The following ATP8A1 variants were observed in gnomAD, a reference collection of about 807,000 sequenced individuals.
The protein encoded by ATP8A1 is ATPase phospholipid transporting 8A1.
Under a neutral mutation model 177.7 loss-of-function variants are expected in ATP8A1, and 90 were observed. The observed-to-expected ratio is 0.51, with a 90% CI of 0.43 to 0.60. The LOEUF (loss-of-function observed/expected upper bound fraction) is 0.60, where lower values mean the gene tolerates loss of function less well. Ranked by LOEUF, ATP8A1 falls within the 20% of genes least tolerant of loss-of-function variation. The probability of loss-of-function intolerance (pLI) is 0.00; values close to 1 mark genes in which losing one functional copy is unlikely to be tolerated. For synonymous variants in ATP8A1, 493 were observed against 485.9 expected, an observed-to-expected ratio of 1.01 and a Z score of -0.19; for missense variants, 1,072 against 1,392.8, an observed-to-expected ratio of 0.77 and a Z score of 3.67.
At chr4:42,472,767 G>GAGAAAA (rs150976504) in intron 25 of ATP8A1, among the ~76,000 whole-genome samples, 22,665 of 144,940 alleles carry the variant, frequency 0.16, 2,050 homozygotes, top group South Asian at 0.23. Flanking sequence ...AAAAAAAAGA[G>GAGAAAA]AGAAAAAGAA....
At chr4:42,649,859 G>A (rs1291577656) in intron 1 of ATP8A1, among the ~76,000 whole-genome samples, 1 of 152,132 alleles carries the variant, frequency 6.6e-6, no homozygotes, top group Non-Finnish European at 1.5e-5. Context: ...TTTAACCAAT[G>A]CCTACTATGT....
chr4:42,599,667 G>A (rs1359640855), intron 6 of ATP8A1, among the ~76,000 whole-genome samples: 1 of 152,194 alleles, frequency 6.6e-6, no homozygotes, highest in Admixed American at 6.5e-5. Flanking sequence ...TAGCTGGGAA[G>A]TACTGGAGTG....
chr4:42,461,747 T>A (rs144736795), intron 27 of ATP8A1, among the ~76,000 whole-genome samples: 171 of 152,262 alleles, frequency 1.1e-3, no homozygotes, highest in African/African-American at 3.8e-3. Flanking sequence ...AGGCAGAGGT[T>A]GGAAGAGTTT....
intron 20 of ATP8A1, among the ~76,000 whole-genome samples, chr4:42,539,827 A>G (rs1728209045): frequency 6.6e-6 from 1 of 152,080 alleles, no homozygotes; most frequent in Non-Finnish European, 1.5e-5. Context: ...CAAACATAAG[A>G]CTCAAACTTT....
chr4:42,545,433 T>G (rs10461060), intron 19 of ATP8A1, among the ~76,000 whole-genome samples: 47,943 of 151,986 alleles, frequency 0.32, 8,906 homozygotes, highest in East Asian at 0.57. Flanking sequence ...AACTCTCTTT[T>G]GTGTTACATC....
In ATP8A1 at chr4:42,479,996, T is replaced by TGTGTGTGTG. The variant is rs1721493242; in HGVS notation, c.2324+5499_2324+5500insCACACACAC. Among the ~76,000 whole-genome samples, 35 of 135,658 alleles carry TGTGTGTGTG rather than the reference T, an allele frequency of 2.6e-4. 1 individual carries two copies. The East Asian group carries it at 3.9e-3, about 15-fold the overall frequency. The allele number at this position is 135,658 out of a possible 152,430, so 89.0% of individuals were successfully genotyped here. A position where few individuals can be genotyped will look rare whatever the true frequency, so the allele number is the denominator to read the frequency against. On this transcript the variant is annotated intron_variant, in intron 25 of 36. Transcript: ENST00000381668. ...AGAATTATGTAATCTGCAGTTCTGCTTGTGTGTGTGTGTGTGTGTGTGTGT... is the reference window on the plus strand; with the variant it reads ...AGAATTATGTAATCTGCAGTTCTGCTGTGTGTGTGTGTGTGTGTGTGTGTGTGTGTGTGT...
intron 35 of ATP8A1, among the ~76,000 whole-genome samples, chr4:42,419,272 G>A (rs1262282332): frequency 6.6e-6 from 1 of 152,080 alleles, no homozygotes; most frequent in African/African-American, 2.4e-5. Flanking sequence ...TATTTACTGA[G>A]TGCTACTAAG....
chr4:42,503,797 T>C (rs1724089026), intron 23 of ATP8A1, among the ~76,000 whole-genome samples: 1 of 152,190 alleles, frequency 6.6e-6, no homozygotes, highest in South Asian at 2.1e-4. Flanking sequence ...GGATTTGTAA[T>C]ACACTTCATG....
chr4:42,552,172 T>C (rs1729566661), intron 17 of ATP8A1, among the ~76,000 whole-genome samples: 1 of 152,236 alleles, frequency 6.6e-6, no homozygotes. Context: ...TTTGTACCTG[T>C]GCAAAATCAG....
chr4:42,490,177 C>T (rs936106029), intron 24 of ATP8A1, among the ~76,000 whole-genome samples: 3 of 152,212 alleles, frequency 2.0e-5, no homozygotes, highest in Admixed American at 6.5e-5. Flanking sequence ...CTCTGCTCTT[C>T]CCATACCCAC....
chr4:42,544,243 T>C (rs1011415214), intron 19 of ATP8A1, among the ~76,000 whole-genome samples: 10 of 152,214 alleles, frequency 6.6e-5, no homozygotes, highest in Non-Finnish European at 1.2e-4. Flanking sequence ...CTAAGAAACC[T>C]ACAAGAGCTC....
intron 35 of ATP8A1, among the ~76,000 whole-genome samples, chr4:42,415,554 A>G (rs1713146649): frequency 6.6e-6 from 1 of 152,192 alleles, no homozygotes; most frequent in South Asian, 2.1e-4. Flanking sequence ...GACATCATCC[A>G]TCTTCCAAAT....
intron 5 of ATP8A1, among the ~76,000 whole-genome samples, chr4:42,601,033 CTTTTTTTTTT>C (rs36117571): frequency 2.9e-5 from 3 of 102,418 alleles, no homozygotes; most frequent in African/African-American, 1.1e-4. Context: ...CCCAAATTTT[CTTTTTTTTTT>C]TTTTTTTTTT....
intron 4 of ATP8A1, among the ~76,000 whole-genome samples, chr4:42,622,070 A>C (rs1475622831): frequency 6.6e-6 from 1 of 152,226 alleles, no homozygotes; most frequent in Admixed American, 6.5e-5. Flanking sequence ...ACTCATCTCA[A>C]GATGGATTAA....
rs955616807 is a variant in ATP8A1 at position 42,512,764 on chromosome 4, C to T, written c.1948-5610G>A. Among the ~76,000 whole-genome samples the T allele has an allele frequency of 2.0e-5, 3 of 152,026 alleles. No individual in the cohort carries two copies. The East Asian group carries it at 5.8e-4, about 29-fold the overall frequency. On this transcript the variant is annotated intron_variant, in intron 22 of 36. Transcript: ENST00000381668. ...AGCTTATTAACACAGAATGCTGGGC[C>T]CTACACCCAGAATTCCTCATTGAAT...
chr4:42,555,085 G>GTATCTATCTATATCTATC (rs1347314877), intron 16 of ATP8A1, among the ~76,000 whole-genome samples: 3 of 119,476 alleles, frequency 2.5e-5, no homozygotes, highest in African/African-American at 9.7e-5. Flanking sequence ...CTTTGTGTGT[G>GTATCTATCTATATCTATC]TATCTATCTA....
At position 42,656,806 on chromosome 4, in the gene ATP8A1, A is replaced by G; in HGVS notation, c.49+19T>C. On this transcript the variant is annotated intron_variant, in intron 1 of 36. Coordinates refer to ENST00000381668, the MANE Select transcript of ATP8A1 (RefSeq NM_006095.2). ...GCTTCCCGACCCCGGGCTAGCCCCG[A>G]GCCTCGGCGGCCCCTTACCTTCGGC... 1.5e-5 allele frequency: 23 copies of G among 1,554,332 alleles called. No homozygotes were observed. The highest frequency in any genetic ancestry group is 1.7e-5 in the Non-Finnish European group (20 of 1,148,534).
chr4:42,498,897 G>A (rs1000357279), intron 24 of ATP8A1, among the ~76,000 whole-genome samples: 5 of 152,192 alleles, frequency 3.3e-5, no homozygotes, highest in East Asian at 1.9e-4. Flanking sequence ...CCCCAGTGCC[G>A]CCGAGCTACC....
chr4:42,629,771 G>T (rs1738532186), intron 1 of ATP8A1, among the ~76,000 whole-genome samples: 1 of 152,192 alleles, frequency 6.6e-6, no homozygotes. Context: ...GAAGGTACCT[G>T]GGAAAAAGAC....
Sources: allele counts gnomAD v4.1 joint callset (sites outside exome capture counted in the v4.1 genomes callset), GRCh38; gene constraint gnomAD v4.1.1; transcripts MANE v1.5; gene names NCBI Gene and HGNC (gene_info 2026-07-23, HGNC 2026-07-21).